Variants in VCAN observed in about 807,000 individuals in gnomAD.
VCAN encodes the protein versican.
A neutral mutation model predicts 245.5 loss-of-function variants in VCAN; 44 were observed. That is an observed-to-expected ratio of 0.18 (90% CI 0.14 to 0.23). The LOEUF (loss-of-function observed/expected upper bound fraction) is 0.23. VCAN is among the 10% of genes least tolerant of loss of function. VCAN has a pLI of 1.00. For missense variants in VCAN, 3,793 were observed against 4,057.9 expected, an observed-to-expected ratio of 0.93 and a Z score of 1.77; for synonymous variants, 1,413 against 1,437.0, an observed-to-expected ratio of 0.98 and a Z score of 0.38.
At chr5:83,517,693 A>T (rs1184248619) in intron 6 of VCAN, among the ~76,000 whole-genome samples, 2 of 152,188 alleles carry the variant, frequency 1.3e-5, no homozygotes, top group Admixed American at 6.5e-5. Context: ...GCTTTTCTTT[A>T]AAAAGGGGAG....
At position 83,520,520 on chromosome 5, in the gene VCAN, G is replaced by A. The variant is rs756500577; in HGVS notation, c.2214G>A (p.Glu738=). Residue 738 remains glutamate, a synonymous_variant, in exon 7 of 15, where the codon GAG becomes GAA. Transcript: ENST00000265077. ...TCTCAGAGCCAATTCATGTTACAGAGTCTTCTGTGGAAATGACCAAGTCTT... is the reference window on the plus strand; with the variant it reads ...TCTCAGAGCCAATTCATGTTACAGAATCTTCTGTGGAAATGACCAAGTCTT... The part of the protein sequence containing the change: ...TSLSEPIHVT[E]SSVEMTKSFD... 2.4e-5 allele frequency: 38 copies of A among 1,613,894 alleles called. No homozygotes were observed. Among genetic ancestry groups the A allele is most frequent in the Non-Finnish European group, 3.1e-5 (37 of 1,179,982 alleles).
At chr5:83,481,244 CTT>C (rs202012593) in intron 1 of VCAN, among the ~76,000 whole-genome samples, 7 of 132,502 alleles carry the variant, frequency 5.3e-5, no homozygotes, top group Non-Finnish European at 8.2e-5. Flanking sequence ...TCTTTAATTT[CTT>C]TTTTTTTTTT....
chr5:83,548,882 C>T (rs1195964037), intron 10 of VCAN, among the ~76,000 whole-genome samples: 1 of 152,222 alleles, frequency 6.6e-6, no homozygotes, highest in Non-Finnish European at 1.5e-5. Flanking sequence ...TCTGGTCCCA[C>T]ATTCTGCTTC....
intron 7 of VCAN, among the ~76,000 whole-genome samples, chr5:83,525,673 C>G (rs1179404511): frequency 3.9e-5 from 6 of 151,904 alleles, no homozygotes. Context: ...TGTTCTTTTT[C>G]CTACTGGTTT....
In VCAN at chr5:83,519,638, A is replaced by G. The variant is rs752915202; in HGVS notation, c.1332A>G (p.Ser444=). The stretch of plus-strand genomic sequence containing the variant: ...TGGATGACTACTCACCTTCTGCTTC[A>G]GGACCTCTTGGAAAGCTAGACATAT... The part of the protein sequence containing the change: ...WDMDDYSPSA[S]GPLGKLDISE... Residue 444 remains serine (S), a synonymous_variant, in exon 7 of 15, where the codon TCA becomes TCG. Transcript: ENST00000265077. The G allele has an allele frequency of 9.9e-6, 16 of 1,614,056 alleles. No homozygotes were observed. The Admixed American group carries it at 2.3e-4, about 24-fold the overall frequency.
chr5:83,488,697 T>A (rs1744867103), intron 2 of VCAN, among the ~76,000 whole-genome samples: 1 of 152,220 alleles, frequency 6.6e-6, no homozygotes, highest in South Asian at 2.1e-4. Context: ...TTTATTTAAT[T>A]TCATTAAGTG....
At chr5:83,545,695 A>G (rs768373533) in intron 9 of VCAN, 45 bp downstream of exon 9, 102 of 1,397,626 alleles carry the variant, frequency 7.3e-5, no homozygotes, top group Non-Finnish European at 1.0e-4. Flanking sequence ...TTCACAGAAG[A>G]TATATTGGGG....
intron 5 of VCAN, among the ~76,000 whole-genome samples, chr5:83,504,155 A>C (rs1417514229): frequency 4.6e-5 from 7 of 152,204 alleles, no homozygotes; most frequent in Non-Finnish European, 1.0e-4. Flanking sequence ...ATGTCATTAA[A>C]GTCTTACAAC....
chr5:83,561,929 G>C (rs962383983), intron 12 of VCAN: 1 of 152,162 alleles, frequency 6.6e-6, no homozygotes, highest in Non-Finnish European at 1.5e-5. Flanking sequence ...TTCTAAGCTT[G>C]TTGTAGATTT....
At chr5:83,527,721 T>C (rs1198896528) in intron 7 of VCAN, among the ~76,000 whole-genome samples, 3 of 151,816 alleles carry the variant, frequency 2.0e-5, no homozygotes, top group Non-Finnish European at 2.9e-5. Flanking sequence ...TGGGTAGTTG[T>C]ACTAACTCAC....
rs1746038996 is a variant in VCAN, at chr5:83,520,482, C to G, written c.2176C>G (p.Leu726Val). 1 of 1,613,896 alleles carries G rather than the reference C, an allele frequency of 6.2e-7. No individual in the cohort carries two copies. The highest frequency in any genetic ancestry group is 1.3e-5 in the African/African-American group (1 of 74,934). Reference protein sequence around the residue: ...TEEEVFSGMKLSTSLSEPIHV... With the variant: ...TEEEVFSGMKVSTSLSEPIHV... The stretch of plus-strand genomic sequence containing the variant: ...AGAAGAAGTCTTCTCTGGGATGAAA[C>G]TCTCTACATCTCTCTCAGAGCCAAT... The change falls in exon 7 of 15, where the codon CTC (leucine) becomes GTC (valine). Residue 726 changes from leucine (L) to valine (V), a missense_variant. Leu to Val is a conservative substitution (Grantham distance 32, BLOSUM62 1). Transcript: ENST00000265077.
chr5:83,556,380 G>T (rs761381182), intron 12 of VCAN, among the ~76,000 whole-genome samples: 5 of 152,052 alleles, frequency 3.3e-5, no homozygotes, highest in Admixed American at 6.6e-5. Flanking sequence ...TTACATTTTC[G>T]CTTTGAGCAA....
intron 10 of VCAN, among the ~76,000 whole-genome samples, chr5:83,552,302 C>A (rs927405470): frequency 6.6e-6 from 1 of 152,096 alleles, no homozygotes; most frequent in Non-Finnish European, 1.5e-5. Context: ...TATTAATCAG[C>A]AAATTTGGGT....
intron 11 of VCAN, among the ~76,000 whole-genome samples, chr5:83,554,311 C>T (rs1245888075): frequency 1.3e-5 from 2 of 152,166 alleles, no homozygotes; most frequent in Non-Finnish European, 2.9e-5. Flanking sequence ...CCTCATGAAG[C>T]GTTGTTTGAT....
intron 11 of VCAN, 52 bp from the exon 12 acceptor site, chr5:83,554,904 A>G: frequency 1.3e-6 from 2 of 1,520,194 alleles, no homozygotes; most frequent in South Asian, 1.1e-5. Flanking sequence ...ATATATTTTC[A>G]TCCATATATG....
chr5:83,484,027 A>G (rs1456883737), intron 2 of VCAN, among the ~76,000 whole-genome samples: 1 of 152,222 alleles, frequency 6.6e-6, no homozygotes, highest in Non-Finnish European at 1.5e-5. Context: ...TTCTTTTTTA[A>G]AAAAGCAGTT....
intron 2 of VCAN, among the ~76,000 whole-genome samples, chr5:83,484,261 C>T (rs1291457918): frequency 6.6e-6 from 1 of 152,144 alleles, no homozygotes. Flanking sequence ...TTATGATTTT[C>T]CAGATGAATT....
intron 8 of VCAN, among the ~76,000 whole-genome samples, chr5:83,543,907 T>C (rs1438202061): frequency 6.6e-6 from 1 of 152,216 alleles, no homozygotes; most frequent in African/African-American, 2.4e-5. Context: ...ACGAACTGTT[T>C]AGGGGAGAAT....
At chr5:83,517,603 C>T (rs1360012475) in intron 6 of VCAN, among the ~76,000 whole-genome samples, 1 of 152,046 alleles carries the variant, frequency 6.6e-6, no homozygotes, top group Admixed American at 6.5e-5. Context: ...TTAAAATAGT[C>T]ATCCACATTT....
Sources: allele counts gnomAD v4.1 joint callset (sites outside exome capture counted in the v4.1 genomes callset), GRCh38; gene constraint gnomAD v4.1.1; transcripts MANE v1.5; gene names NCBI Gene and HGNC (gene_info 2026-07-23, HGNC 2026-07-21).